CSMD1: variants seen among roughly 807,000 people sequenced by gnomAD.
The protein encoded by CSMD1 is CUB and Sushi multiple domains 1, also known as CUB and sushi domain-containing protein 1.
In CSMD1, 213 loss-of-function variants were observed where a neutral mutation model predicts 417.5. The ratio of observed to expected loss-of-function variants is 0.51; its 90% CI spans 0.46 to 0.57. The LOEUF (loss-of-function observed/expected upper bound fraction) is 0.57, where lower values mean the gene tolerates loss of function less well. Ranked by LOEUF, CSMD1 falls within the 20% of genes least tolerant of loss-of-function variation. The pLI is 0.00. For missense variants in CSMD1, 6,923 were observed against 4,529.7 expected (o/e 1.53, Z -15.17); for synonymous variants, 2,862 against 1,736.8 (o/e 1.65, Z -16.11).
At chr8:4,224,584 C>T (rs759324796) in intron 3 of CSMD1, among the ~76,000 whole-genome samples, 2 of 152,132 alleles carry the variant, frequency 1.3e-5, no homozygotes, top group African/African-American at 2.4e-5. Context: ...GTGGTGCCTC[C>T]GGAGTTCCAC....
At chr8:4,336,397 G>A (rs978137752) in intron 3 of CSMD1, among the ~76,000 whole-genome samples, 1 of 152,124 alleles carries the variant, frequency 6.6e-6, no homozygotes, top group Admixed American at 6.5e-5. Context: ...GTGACCCATG[G>A]CCACTCCTGA....
chr8:3,281,136 C>T (rs1456855496), intron 26 of CSMD1, among the ~76,000 whole-genome samples: 1 of 152,048 alleles, frequency 6.6e-6, no homozygotes, highest in Admixed American at 6.6e-5. Context: ...ACCCGTATGT[C>T]CTTCAATAAG....
intron 46 of CSMD1, among the ~76,000 whole-genome samples, chr8:3,103,762 T>C (rs564658482): frequency 8.8e-4 from 125 of 142,320 alleles, no homozygotes; most frequent in African/African-American, 3.1e-3. Flanking sequence ...AAAAAAAAAA[T>C]GATGTAGTTT....
chr8:4,819,902 T>G (rs1049974882), intron 1 of CSMD1, among the ~76,000 whole-genome samples: 1 of 150,814 alleles, frequency 6.6e-6, no homozygotes, highest in Admixed American at 6.6e-5. Context: ...ACTTTGGGGG[T>G]GGGGAGAACC....
At chr8:4,099,336 A>G (rs1245118344) in intron 3 of CSMD1, among the ~76,000 whole-genome samples, 1 of 151,782 alleles carries the variant, frequency 6.6e-6, no homozygotes, top group Non-Finnish European at 1.5e-5. Flanking sequence ...ACTTTCTCCC[A>G]TTTTCAACAT....
At chr8:4,943,711 A>G (rs957353111) in intron 1 of CSMD1, among the ~76,000 whole-genome samples, 13 of 152,142 alleles carry the variant, frequency 8.5e-5, no homozygotes, top group South Asian at 4.1e-4. Flanking sequence ...GTCATTCCTA[A>G]AAACATTTGA....
At chr8:3,944,465 TC>T (rs1366834126) in intron 5 of CSMD1, among the ~76,000 whole-genome samples, 1 of 152,160 alleles carries the variant, frequency 6.6e-6, no homozygotes, top group Non-Finnish European at 1.5e-5. Context: ...TGGTTTTTTT[TC>T]CCTGAAAGTT....
intron 2 of CSMD1, among the ~76,000 whole-genome samples, chr8:4,585,729 A>C (rs1266141631): frequency 6.6e-6 from 1 of 152,224 alleles, no homozygotes; most frequent in Admixed American, 6.5e-5. Flanking sequence ...CTATAATAAA[A>C]TGATGACCAA....
At chr8:4,386,267 C>A (rs1332519207) in intron 3 of CSMD1, among the ~76,000 whole-genome samples, 1 of 151,766 alleles carries the variant, frequency 6.6e-6, no homozygotes, top group African/African-American at 2.4e-5. Flanking sequence ...TACCTTCCAT[C>A]CCCGGTTATG....
chr8:4,377,650 T>C (rs1483509348), intron 3 of CSMD1, among the ~76,000 whole-genome samples: 2 of 152,184 alleles, frequency 1.3e-5, no homozygotes, highest in Non-Finnish European at 2.9e-5. Flanking sequence ...ATTTATAAGG[T>C]TCTTTTTAGC....
chr8:4,214,121 TTTG>T (rs1216225698), intron 3 of CSMD1, among the ~76,000 whole-genome samples: 1 of 145,270 alleles, frequency 6.9e-6, no homozygotes, highest in African/African-American at 2.9e-5. Context: ...AGTTTTTTTG[TTTG>T]TTTTGTTTTG....
chr8:4,034,531 T>C (rs983823924), intron 3 of CSMD1, among the ~76,000 whole-genome samples: 1 of 152,200 alleles, frequency 6.6e-6, no homozygotes, highest in African/African-American at 2.4e-5. Context: ...AAGTGACATT[T>C]ATAAGGAAGA....
intron 1 of CSMD1, among the ~76,000 whole-genome samples, chr8:4,699,402 A>G (rs968338746): frequency 2.0e-5 from 3 of 152,160 alleles, no homozygotes; most frequent in African/African-American, 7.2e-5. Flanking sequence ...TGATCACTCT[A>G]TCATCTTTTA....
chr8:4,958,399 C>G (rs560305620), intron 1 of CSMD1, among the ~76,000 whole-genome samples: 117 of 152,116 alleles, frequency 7.7e-4, no homozygotes, highest in Admixed American at 2.5e-3. Flanking sequence ...AAGCAATTGA[C>G]ATTTCTTCAA....
At chr8:4,366,435 G>C (rs1455789381) in intron 3 of CSMD1, among the ~76,000 whole-genome samples, 9 of 152,044 alleles carry the variant, frequency 5.9e-5, no homozygotes, top group African/African-American at 1.9e-4. Context: ...TTTCCTTTTG[G>C]GTAATCCCAA....
chr8:4,009,318 T>C (rs1438256113), intron 4 of CSMD1, among the ~76,000 whole-genome samples: 3 of 152,206 alleles, frequency 2.0e-5, no homozygotes, highest in African/African-American at 2.4e-5. Context: ...TTTGTGGGTA[T>C]AAAACTTGCT....
chr8:4,109,219 A>T lies in CSMD1; in HGVS notation c.416-77120T>A, dbSNP rs544223341. Among the ~76,000 whole-genome samples, 3 of 152,318 alleles carry T rather than the reference A, an allele frequency of 2.0e-5. No individual in the cohort carries two copies. In the South Asian group the frequency reaches 6.2e-4, roughly 32 times the overall value. On this transcript the variant is annotated intron_variant, in intron 3 of 69. Transcript: ENST00000635120. ...GAAAAAAATCCTGAATATTTTCGGT[A>T]TAGACACAACCATCCATTTTTTTTC...
chr8:4,912,566 G>A (rs919841679), intron 1 of CSMD1, among the ~76,000 whole-genome samples: 1 of 152,154 alleles, frequency 6.6e-6, no homozygotes, highest in African/African-American at 2.4e-5. Context: ...CACTGGGGTA[G>A]TCTGAAATGA....
chr8:4,070,328 A>C (rs1056636469), intron 3 of CSMD1, among the ~76,000 whole-genome samples: 10 of 152,126 alleles, frequency 6.6e-5, no homozygotes, highest in Middle Eastern at 3.2e-3. Flanking sequence ...AAACTCAGAG[A>C]AAATGTCTTC....
Sources: gnomAD v4.1 joint callset for allele counts (sites outside exome capture counted in the v4.1 genomes callset) on GRCh38, gnomAD v4.1.1 for gene constraint, MANE v1.5 for transcripts, NCBI Gene and HGNC (gene_info 2026-07-23, HGNC 2026-07-21) for gene names.